Variants in ENAH observed in about 807,000 individuals in gnomAD.
ENAH encodes the protein protein enabled homolog.
A neutral mutation model predicts 78.7 loss-of-function variants in ENAH; 23 were observed. The observed-to-expected ratio is 0.29, with a 90% CI of 0.21 to 0.41. The LOEUF (loss-of-function observed/expected upper bound fraction) is 0.41. Ranked by LOEUF, ENAH falls within the 10% of genes least tolerant of loss-of-function variation. The pLI is 1.00. For synonymous variants in ENAH, 226 were observed against 241.0 expected, an observed-to-expected ratio of 0.94 and a Z score of 0.58; for missense variants, 544 against 691.0, an observed-to-expected ratio of 0.79 and a Z score of 2.39.
rs903631521 is a variant in ENAH, at chr1:225,586,894, C to T, written c.6-19480G>A. ...CAAAAAGTAGCCAGGCGTGGTGGCA[C>T]GTGCCTGTAGACCCAGCTACTCAGG... On this transcript the variant is annotated intron_variant, in intron 1 of 13. Coordinates refer to ENST00000366843, the MANE Select transcript of ENAH (RefSeq NM_018212.6). Among the ~76,000 whole-genome samples, 13 of 130,066 alleles carry T rather than the reference C, an allele frequency of 1.0e-4. No individual in the cohort carries two copies. The East Asian group carries it at 3.1e-3, about 31-fold the overall frequency. 85.3% of individuals were successfully genotyped at this position (130,066 alleles called of 152,430 possible).
chr1:225,616,091 G>A (rs948001753), intron 1 of ENAH, among the ~76,000 whole-genome samples: 1 of 152,004 alleles, frequency 6.6e-6, no homozygotes, highest in African/African-American at 2.4e-5. Context: ...GATTAAGGGC[G>A]GAGCAAGATG....
At chr1:225,633,680 C>A (rs1449667324) in intron 1 of ENAH, among the ~76,000 whole-genome samples, 1 of 152,120 alleles carries the variant, frequency 6.6e-6, no homozygotes, top group East Asian at 1.9e-4. Context: ...TATTCGAATC[C>A]ATTAAATGAA....
At chr1:225,525,118 ATC>A (rs1370764247) in intron 4 of ENAH, among the ~76,000 whole-genome samples, 1 of 152,220 alleles carries the variant, frequency 6.6e-6, no homozygotes, top group Non-Finnish European at 1.5e-5. Context: ...TCTGGTACTT[ATC>A]ACATGTTTCT....
At chr1:225,545,284 A>G (rs1416482431) in intron 3 of ENAH, among the ~76,000 whole-genome samples, 5 of 152,224 alleles carry the variant, frequency 3.3e-5, no homozygotes, top group Admixed American at 6.5e-5. Flanking sequence ...TGGAAAAGAT[A>G]AAAAGACTAT....
chr1:225,603,075 C>G (rs185876483), intron 1 of ENAH, among the ~76,000 whole-genome samples: 167 of 151,632 alleles, frequency 1.1e-3, no homozygotes, highest in Admixed American at 1.8e-3. Context: ...CCAAATAGAA[C>G]TAAATGAGAA....
chr1:225,651,670 T>G (rs562462758), intron 1 of ENAH, among the ~76,000 whole-genome samples: 3 of 152,170 alleles, frequency 2.0e-5, no homozygotes, highest in Non-Finnish European at 4.4e-5. Context: ...AAGGAAGGCC[T>G]TTAAGGATGA....
In ENAH at chr1:225,647,809, C is replaced by T. The variant is rs575992360; in HGVS notation, c.5+4877G>A. 2.6e-5 allele frequency among the ~76,000 whole-genome samples: 4 copies of T among 152,216 alleles called. 1 individual carries two copies. In the South Asian group the frequency reaches 8.3e-4, roughly 32 times the overall value. Reference sequence around the variant, plus strand: ...CAAAGTCAAACACTTACACAGGCCACCCACTATTTGCCAAGTATTTTGCTA... The same window carrying T: ...CAAAGTCAAACACTTACACAGGCCATCCACTATTTGCCAAGTATTTTGCTA... On this transcript the variant is annotated intron_variant, in intron 1 of 13. Transcript: ENST00000366843.
At chr1:225,549,839 C>G (rs189047223) in intron 3 of ENAH, among the ~76,000 whole-genome samples, 3 of 152,304 alleles carry the variant, frequency 2.0e-5, no homozygotes, top group Non-Finnish European at 2.9e-5. Flanking sequence ...CTCCTCTCCT[C>G]TCTCTACTTT....
At chr1:225,543,018 T>TA (rs74643486) in intron 3 of ENAH, among the ~76,000 whole-genome samples, 6,428 of 134,358 alleles carry the variant, frequency 0.048, 188 homozygotes, top group South Asian at 0.11. Flanking sequence ...GACTCTCTCT[T>TA]AAAAAAAAAA....
Position 225,554,953 on chromosome 1 carries a change from G to A in ENAH, c.302C>T (p.Ala101Val), listed in dbSNP as rs2096659117. The change falls in exon 3 of 14, where the codon GCA becomes GTA. Residue 101 changes from alanine to valine, a missense_variant. Ala to Val is a moderately conservative substitution (Grantham distance 64). Around this residue, in one of 4 missense-constraint regions of ENAH, gnomAD observed 77 missense variants for 151.8 expected, o/e 0.51. Transcript: ENST00000366843. The part of the protein sequence containing the change: ...FGSKEDANVF[A>V]SAMMHALEVL... The stretch of plus-strand genomic sequence containing the variant: ...TTCTAAGGCATGCATCATGGCACTT[G>A]CGAAGACATTGGCATCCTCTTTGCT... 6.2e-7 allele frequency: 1 copy of A among 1,603,890 alleles called. No individual in the cohort carries two copies. The highest frequency in any genetic ancestry group is 1.3e-5 in the African/African-American group (1 of 74,848).
rs1173061611 is a variant in ENAH at position 225,494,360 on chromosome 1, A to G, written c.*3415T>C. On this transcript the variant is annotated 3_prime_UTR_variant, in exon 14 of 14. Transcript: ENST00000366843. ...TCAGCATCATGTATAAACACTATAC[A>G]TATTTTGCTATACTTAAAATTCATT... is the stretch of plus-strand genomic sequence containing the variant. 6.6e-6 allele frequency: 1 copy of G among 152,194 alleles called. No homozygotes were observed. The highest frequency in any genetic ancestry group is 1.5e-5 in the Non-Finnish European group (1 of 68,012). 9.4% of individuals were successfully genotyped at this position (152,194 alleles called of 1,614,324 possible).
At chr1:225,585,485 T>TAA (rs147030607) in intron 1 of ENAH, among the ~76,000 whole-genome samples, 4 of 151,496 alleles carry the variant, frequency 2.6e-5, no homozygotes, top group South Asian at 4.2e-4. Flanking sequence ...TGCTGGGCCA[T>TAA]AAAAAAAAAT....
intron 1 of ENAH, among the ~76,000 whole-genome samples, chr1:225,642,271 G>GCAC (rs2148456829): frequency 6.6e-6 from 1 of 150,866 alleles, no homozygotes; most frequent in South Asian, 2.1e-4. Context: ...CCAATGAATC[G>GCAC]CACCTCTTGA....
At chr1:225,527,580 A>G (rs1035366364) in intron 4 of ENAH, among the ~76,000 whole-genome samples, 13 of 152,210 alleles carry the variant, frequency 8.5e-5, no homozygotes, top group African/African-American at 3.1e-4. Flanking sequence ...CCACAGGCAA[A>G]AACAGATTGT....
chr1:225,603,384 T>C (rs2096940004), intron 1 of ENAH, among the ~76,000 whole-genome samples: 3 of 152,170 alleles, frequency 2.0e-5, no homozygotes, highest in Non-Finnish European at 4.4e-5. Context: ...CTGAAATAAA[T>C]TGAAATATGG....
intron 11 of ENAH, chr1:225,504,870 T>A (rs1479183285): frequency 5.3e-6 from 3 of 569,006 alleles, no homozygotes; most frequent in Non-Finnish European, 5.9e-6. Flanking sequence ...TAAAAGGTAT[T>A]CAAAATAAAG....
At chr1:225,529,300 T>G (rs993473095) in intron 4 of ENAH, among the ~76,000 whole-genome samples, 21 of 152,300 alleles carry the variant, frequency 1.4e-4, no homozygotes, top group African/African-American at 3.8e-4. Flanking sequence ...TGTTTTCCCA[T>G]GTACACACAA....
chr1:225,498,287 T>A, intron 13 of ENAH, 60 bp downstream of exon 13: 1 of 1,380,942 alleles, frequency 7.2e-7, no homozygotes, highest in Non-Finnish European at 1.0e-6. Context: ...TGCATTTTCT[T>A]AAAAATGGTC....
chr1:225,617,416 T>G (rs1363547910), intron 1 of ENAH, among the ~76,000 whole-genome samples: 2 of 152,208 alleles, frequency 1.3e-5, no homozygotes, highest in African/African-American at 4.8e-5. Flanking sequence ...AGATAGAAAT[T>G]GGGGTTACTA....
Sources: gnomAD v4.1 joint callset for allele counts (sites outside exome capture counted in the v4.1 genomes callset) on GRCh38, gnomAD v4.1.1 for gene constraint, gnomAD v4.1.1 regional missense constraint, MANE v1.5 for transcripts, NCBI Gene and HGNC (gene_info 2026-07-23, HGNC 2026-07-21) for gene names.